The following DRC9 variants were observed in gnomAD, a reference collection of about 807,000 sequenced individuals.
The protein encoded by DRC9 is dynein regulatory complex subunit 9.
At chr3:197,950,351 G>A in the DRC9 span, 1 of 1,222,380 alleles carries the variant, frequency 8.2e-7, no homozygotes, top group Admixed American at 4.2e-5. Context: ...TTCAAGAAGA[G>A]GGAGAACAGG....
the DRC9 span, among the ~76,000 whole-genome samples, chr3:197,925,096 T>C: frequency 1.1e-4 from 17 of 152,066 alleles, no homozygotes; most frequent in Admixed American, 1.1e-3. Context: ...ATGTCTTCTT[T>C]AGGAATATAC....
the DRC9 span, among the ~76,000 whole-genome samples, chr3:197,893,095 C>T: frequency 3.3e-5 from 5 of 152,088 alleles, no homozygotes; most frequent in Non-Finnish European, 7.4e-5. Flanking sequence ...CGGTGGCTCA[C>T]GCCTGTAATC....
At chr3:197,953,944 T>A in the DRC9 span, 2 of 1,595,920 alleles carry the variant, frequency 1.3e-6, no homozygotes, top group Non-Finnish European at 1.7e-6. Flanking sequence ...AGAGGTCACC[T>A]TGAATTTGTA....
At chr3:197,903,111 A>C in the DRC9 span, among the ~76,000 whole-genome samples, 1 of 152,196 alleles carries the variant, frequency 6.6e-6, no homozygotes. Flanking sequence ...GGTGCTGGGA[A>C]AACTGAATAT....
At chr3:197,941,853 A>G in the DRC9 span, among the ~76,000 whole-genome samples, 1 of 152,066 alleles carries the variant, frequency 6.6e-6, no homozygotes, top group South Asian at 2.1e-4. Flanking sequence ...ATTCTTGCTG[A>G]AGGAGATAAT....
chr3:197,950,031 A>C, the DRC9 span: 1 of 909,204 alleles, frequency 1.1e-6, no homozygotes, highest in Non-Finnish European at 1.4e-6. Flanking sequence ...AGATGAAAGG[A>C]CTTAGGAAAA....
At chr3:197,924,543 C>T in the DRC9 span, among the ~76,000 whole-genome samples, 18 of 151,702 alleles carry the variant, frequency 1.2e-4, no homozygotes, top group African/African-American at 2.9e-4. Flanking sequence ...TTTTTTGAGA[C>T]GGAGTCTCGC....
the DRC9 span, among the ~76,000 whole-genome samples, chr3:197,925,090 C>T: frequency 6.6e-6 from 1 of 152,028 alleles, no homozygotes; most frequent in African/African-American, 2.4e-5. Context: ...TGCTGAATGT[C>T]TTCTTTAGGA....
At chr3:197,921,042 T>TC in the DRC9 span, among the ~76,000 whole-genome samples, 8 of 148,730 alleles carry the variant, frequency 5.4e-5, no homozygotes, top group African/African-American at 1.5e-4. Context: ...TCCGGGGATT[T>TC]AACCTGATTT....
chr3:197,924,351 G>C, the DRC9 span, among the ~76,000 whole-genome samples: 6 of 151,932 alleles, frequency 3.9e-5, no homozygotes. Flanking sequence ...GGAGTGGACA[G>C]GGTGAGACTC....
At chr3:197,891,560 A>T in the DRC9 span, 1 of 1,412,258 alleles carries the variant, frequency 7.1e-7, no homozygotes, top group Non-Finnish European at 1.0e-6. Context: ...GCAAAGATAG[A>T]CATTCATCAT....
the DRC9 span, chr3:197,954,155 T>C: frequency 6.2e-6 from 10 of 1,613,974 alleles, no homozygotes; most frequent in East Asian, 2.2e-5. Context: ...GTGGTGAGTA[T>C]GGTTTTTAGC....
the DRC9 span, among the ~76,000 whole-genome samples, chr3:197,929,448 A>C: frequency 6.6e-6 from 1 of 152,180 alleles, no homozygotes; most frequent in East Asian, 1.9e-4. This position sits in a 1 kb window ranked among gnomAD's most constrained non-coding sequence, Gnocchi z 4.6. Context: ...ACAGCCAAAG[A>C]TGACCAAACA....
At chr3:197,929,707 G>A in the DRC9 span, among the ~76,000 whole-genome samples, 1 of 151,866 alleles carries the variant, frequency 6.6e-6, no homozygotes, top group Non-Finnish European at 1.5e-5. This position sits in a 1 kb window ranked among gnomAD's most constrained non-coding sequence, Gnocchi z 4.6. Context: ...GGAGTTCGAG[G>A]CTGCAGTGGG....
the DRC9 span, among the ~76,000 whole-genome samples, chr3:197,941,383 C>CCTCCCTTCCCCCTCCCTCCT: frequency 1.7e-5 from 1 of 58,390 alleles, no homozygotes; most frequent in Non-Finnish European, 3.3e-5. Flanking sequence ...CCCTCTCTCC[C>CCTCCCTTCCCCCTCCCTCCT]CTCCCTTCCC....
chr3:197,948,035 C>T, the DRC9 span, among the ~76,000 whole-genome samples: 4 of 147,636 alleles, frequency 2.7e-5, no homozygotes, highest in Admixed American at 7.0e-5. Flanking sequence ...CAGGTTGAAG[C>T]GATTCTTGTA....
the DRC9 span, among the ~76,000 whole-genome samples, chr3:197,935,387 C>T: frequency 4.7e-5 from 7 of 150,192 alleles, no homozygotes; most frequent in African/African-American, 1.2e-4. Flanking sequence ...TTGCGTGAGC[C>T]GGGATTGCGC....
chr3:197,893,357 C>CAAAAA, the DRC9 span, among the ~76,000 whole-genome samples: 570 of 43,144 alleles, frequency 0.013, 58 homozygotes, highest in African/African-American at 0.04. Context: ...AACTCCGTCT[C>CAAAAA]AAAAAAAAAA....
chr3:197,928,598 C>T, the DRC9 span, among the ~76,000 whole-genome samples: 4 of 152,270 alleles, frequency 2.6e-5, no homozygotes, highest in East Asian at 5.8e-4. Flanking sequence ...GATCCATCCA[C>T]ATCGTCTTCC....
Sources: gnomAD v4.1 joint callset for allele counts (sites outside exome capture counted in the v4.1 genomes callset) on GRCh38, gnomAD v4.1.1 for gene constraint, Gnocchi (gnomAD v3.1) non-coding constraint, MANE v1.5 for transcripts, NCBI Gene and HGNC (gene_info 2026-07-23, HGNC 2026-07-21) for gene names.